Variants in ERG observed in about 807,000 individuals in gnomAD.
ERG encodes ETS transcription factor ERG, also known as transcriptional regulator ERG.
A neutral mutation model predicts 55.3 loss-of-function variants in ERG; 9 were observed. The observed-to-expected ratio is 0.16, with a 90% confidence interval of 0.10 to 0.28. ERG has a LOEUF of 0.28. ERG is among the 10% of genes least tolerant of loss of function. The pLI is 1.00. For synonymous variants in ERG, 223 were observed against 237.3 expected, an observed-to-expected ratio of 0.94 and a Z score of 0.55; for missense variants, 434 against 631.6, an observed-to-expected ratio of 0.69 and a Z score of 3.35.
At chr21:38,449,204 A>G (rs2058919064) in intron 1 of ERG, 1 of 152,240 alleles carries the variant, frequency 6.6e-6, no homozygotes, top group African/African-American at 2.4e-5. Context: ...GCCTGCTTCT[A>G]TGTTACTATA....
chr21:38,612,111 G>A (rs1179374379), intron 1 of ERG, among the ~76,000 whole-genome samples: 1 of 152,178 alleles, frequency 6.6e-6, no homozygotes, highest in Non-Finnish European at 1.5e-5. Context: ...TGTCGGCCAA[G>A]TGAAAAACAC....
intron 1 of ERG, among the ~76,000 whole-genome samples, chr21:38,590,133 T>A (rs2060090994): frequency 1.3e-5 from 2 of 152,312 alleles, no homozygotes; most frequent in Non-Finnish European, 2.9e-5. Flanking sequence ...TCTCAGTCTA[T>A]CCACATGTTG....
intron 2 of ERG, among the ~76,000 whole-genome samples, chr21:38,431,347 T>G (rs1297451105): frequency 6.6e-6 from 1 of 152,162 alleles, no homozygotes; most frequent in Non-Finnish European, 1.5e-5. Context: ...GTTAACAGTT[T>G]TTTAGGGAGG....
intron 2 of ERG, among the ~76,000 whole-genome samples, chr21:38,525,456 C>T (rs2059623373): frequency 2.0e-5 from 3 of 152,156 alleles, no homozygotes; most frequent in Non-Finnish European, 2.9e-5. Flanking sequence ...GACATCTCTT[C>T]CAGATGCTCT....
chr21:38,624,755 G>A (rs1432453091), intron 1 of ERG, among the ~76,000 whole-genome samples: 1 of 152,142 alleles, frequency 6.6e-6, no homozygotes, highest in Non-Finnish European at 1.5e-5. Context: ...GGCAAATGTG[G>A]TAGGGAATAG....
At chr21:38,559,602 T>C (rs956255792) in intron 2 of ERG, among the ~76,000 whole-genome samples, 4 of 152,082 alleles carry the variant, frequency 2.6e-5, no homozygotes, top group African/African-American at 4.8e-5. Context: ...ATATAACAAA[T>C]AGAGTCAAAA....
intron 2 of ERG, among the ~76,000 whole-genome samples, chr21:38,569,843 T>C (rs1167814261): frequency 1.3e-5 from 2 of 152,216 alleles, no homozygotes; most frequent in African/African-American, 2.4e-5. Context: ...TGTGGAATCA[T>C]ATTGTATGTA....
chr21:38,376,378 C>A (rs1393102152), downstream of ERG, among the ~76,000 whole-genome samples: 1 of 152,196 alleles, frequency 6.6e-6, no homozygotes, highest in Non-Finnish European at 1.5e-5. Context: ...CTCTCTCCCA[C>A]CACTTCCGCT....
intron 1 of ERG, among the ~76,000 whole-genome samples, chr21:38,629,035 C>T (rs2060341559): frequency 6.6e-6 from 1 of 152,174 alleles, no homozygotes; most frequent in South Asian, 2.1e-4. Flanking sequence ...TAGGCAATAA[C>T]ATTTACAATT....
intron 1 of ERG, among the ~76,000 whole-genome samples, chr21:38,484,961 T>A (rs993071409): frequency 1.3e-5 from 2 of 152,118 alleles, no homozygotes; most frequent in Admixed American, 6.5e-5. Context: ...ACATATTTAC[T>A]ATACCATACT....
chr21:38,455,423 A>C (rs1252879096), intron 1 of ERG, among the ~76,000 whole-genome samples: 10 of 152,066 alleles, frequency 6.6e-5, no homozygotes, highest in Admixed American at 6.6e-4. Context: ...AGTTGCTTGC[A>C]CTTTTTTTCT....
Position 38,401,250 on chromosome 21 carries a change from T to C in ERG, c.674-605A>G, listed in dbSNP as rs146845487. Among the ~76,000 whole-genome samples the C allele has an allele frequency of 3.7e-3, 567 of 152,376 alleles. 4 individuals are homozygous for C. Among genetic ancestry groups the C allele is most frequent in the South Asian group, 7.0e-3 (34 of 4,834 alleles). ...TGTTTAACAATAGCAAAATTTAATA[T>C]ATTTGGAGCTTTTTTGAAACTTTCA... On this transcript the variant is annotated intron_variant, in intron 5 of 9. Transcript: ENST00000288319.
At chr21:38,484,151 G>A (rs2059262505) in intron 1 of ERG, among the ~76,000 whole-genome samples, 1 of 152,180 alleles carries the variant, frequency 6.6e-6, no homozygotes, top group African/African-American at 2.4e-5. Context: ...TTTTAGTAGA[G>A]ATGGGGTTTC....
chr21:38,580,039 A>G (rs1214586274), intron 1 of ERG, among the ~76,000 whole-genome samples: 2 of 151,766 alleles, frequency 1.3e-5, no homozygotes, highest in Non-Finnish European at 2.9e-5. Context: ...CCAGGATGGT[A>G]TCGATCTCCT....
At chr21:38,624,635 T>C (rs1319113394) in intron 1 of ERG, among the ~76,000 whole-genome samples, 2 of 152,158 alleles carry the variant, frequency 1.3e-5, no homozygotes, top group African/African-American at 2.4e-5. Flanking sequence ...TGGGACGACC[T>C]GGATTTGAAT....
At chr21:38,546,437 C>T (rs1369922508) in intron 2 of ERG, among the ~76,000 whole-genome samples, 1 of 152,164 alleles carries the variant, frequency 6.6e-6, no homozygotes, top group African/African-American at 2.4e-5. Context: ...TCATGTGATA[C>T]TATCACAGGC....
chr21:38,636,044 G>GCA (rs2146963493), intron 1 of ERG, among the ~76,000 whole-genome samples: 2 of 145,758 alleles, frequency 1.4e-5, no homozygotes, highest in East Asian at 4.3e-4. Context: ...ACTGAATCAT[G>GCA]GGGGTGGTAC....
intron 3 of ERG, among the ~76,000 whole-genome samples, chr21:38,407,784 T>C (rs893618732): frequency 4.3e-4 from 63 of 146,018 alleles, no homozygotes; most frequent in Admixed American, 1.6e-3. Context: ...AAAAGAAAAG[T>C]TAAAAAAATG....
At chr21:38,391,231 A>G (rs1987954511) in intron 8 of ERG, among the ~76,000 whole-genome samples, 189 bp from the exon 9 acceptor site, 1 of 152,166 alleles carries the variant, frequency 6.6e-6, no homozygotes, top group Non-Finnish European at 1.5e-5. Context: ...ATGTCTTGCT[A>G]GGGGACTCCT....
Sources: allele counts gnomAD v4.1 joint callset (sites outside exome capture counted in the v4.1 genomes callset), GRCh38; gene constraint gnomAD v4.1.1; transcripts MANE v1.5; gene names NCBI Gene and HGNC (gene_info 2026-07-23, HGNC 2026-07-21).